ATRNL1: variants seen among roughly 807,000 people sequenced by gnomAD.
ATRNL1 encodes the protein attractin-like protein 1.
ATRNL1 carries 95 observed loss-of-function variants against 182.7 expected under a neutral mutation model. The ratio of observed to expected loss-of-function variants is 0.52; its 90% CI spans 0.44 to 0.62. ATRNL1 has a LOEUF of 0.62. Among genes scored for constraint, ATRNL1 ranks in the 20% least tolerant of loss-of-function variants. ATRNL1 has a pLI of 0.00. For synonymous variants in ATRNL1, 576 were observed against 568.3 expected, an observed-to-expected ratio of 1.01 and a Z score of -0.19; for missense variants, 1,471 against 1,679.5, an observed-to-expected ratio of 0.88 and a Z score of 2.17.
intron 10 of ATRNL1, among the ~76,000 whole-genome samples, chr10:115,254,392 A>T (rs1592329113): frequency 6.6e-6 from 1 of 152,160 alleles, no homozygotes; most frequent in African/African-American, 2.4e-5. Flanking sequence ...ACCAGTGATG[A>T]TGAGCATTTT....
chr10:115,099,734 C>T (rs1843694555), intron 1 of ATRNL1, among the ~76,000 whole-genome samples: 1 of 152,150 alleles, frequency 6.6e-6, no homozygotes, highest in Admixed American at 6.5e-5. Context: ...CGTATATCTT[C>T]TGTAATAGGC....
chr10:115,358,403 G>A (rs1287006858), intron 19 of ATRNL1, among the ~76,000 whole-genome samples: 8 of 151,294 alleles, frequency 5.3e-5, no homozygotes, highest in East Asian at 1.9e-4. Context: ...CTTGCTTTAC[G>A]TCTTACCATA....
Position 115,881,102 on chromosome 10 carries a change from T to C in ATRNL1, c.4018+33111T>C, listed in dbSNP as rs543040236. On this transcript the variant is annotated intron_variant, in intron 28 of 28. Transcript: ENST00000355044. ...GCCTGTCTTTTCTGGGACTTCAGGC[T>C]CTCTCTATGAAGGGCTTTCCCTGTT... Among the ~76,000 whole-genome samples the C allele has an allele frequency of 1.7e-3, 255 of 152,288 alleles. 10 individuals are homozygous for C. In the South Asian group the frequency reaches 0.05, roughly 30 times the overall value.
intron 8 of ATRNL1, among the ~76,000 whole-genome samples, chr10:115,190,673 A>G (rs1848134449): frequency 6.6e-6 from 1 of 152,222 alleles, no homozygotes; most frequent in Admixed American, 6.6e-5. Flanking sequence ...GGTAATTGGG[A>G]CATCCATCAC....
At chr10:115,577,590 A>G (rs1854796928) in intron 26 of ATRNL1, among the ~76,000 whole-genome samples, 2 of 127,872 alleles carry the variant, frequency 1.6e-5, no homozygotes, top group Non-Finnish European at 3.4e-5. Flanking sequence ...TACTTTACTG[A>G]ATTTATTTGT....
chr10:115,550,862 A>T (rs1852947108), intron 26 of ATRNL1, among the ~76,000 whole-genome samples: 1 of 151,782 alleles, frequency 6.6e-6, no homozygotes, highest in Admixed American at 6.6e-5. Flanking sequence ...TATGTCCTTA[A>T]TCATTAGAAG....
intron 10 of ATRNL1, among the ~76,000 whole-genome samples, chr10:115,250,490 G>T (rs1172648576): frequency 1.3e-5 from 2 of 152,130 alleles, no homozygotes; most frequent in Non-Finnish European, 2.9e-5. Flanking sequence ...AGAGTTGCAT[G>T]CAGGGTAGAC....
At chr10:115,584,781 C>T (rs185070274) in intron 26 of ATRNL1, among the ~76,000 whole-genome samples, 3 of 151,926 alleles carry the variant, frequency 2.0e-5, no homozygotes, top group Non-Finnish European at 1.5e-5. Flanking sequence ...TATTTCTTGC[C>T]TTCTGCTAGG....
At chr10:115,805,837 A>G (rs1949908880) in intron 27 of ATRNL1, among the ~76,000 whole-genome samples, 1 of 152,154 alleles carries the variant, frequency 6.6e-6, no homozygotes, top group Admixed American at 6.5e-5. Context: ...AAACTCTACA[A>G]TGGAATAGAT....
chr10:115,686,550 C>G (rs985888133), intron 26 of ATRNL1, among the ~76,000 whole-genome samples: 8 of 152,116 alleles, frequency 5.3e-5, no homozygotes, highest in African/African-American at 1.9e-4. Context: ...GATACTCTAT[C>G]TTATTTATCT....
chr10:115,286,817 G>A (rs1852639592), intron 15 of ATRNL1, among the ~76,000 whole-genome samples: 1 of 151,876 alleles, frequency 6.6e-6, no homozygotes, highest in Admixed American at 6.6e-5. Flanking sequence ...AAAAAGTATG[G>A]TTGTGTCTGT....
At chr10:115,102,696 C>T (rs1843825481) in intron 1 of ATRNL1, among the ~76,000 whole-genome samples, 1 of 152,162 alleles carries the variant, frequency 6.6e-6, no homozygotes, top group Non-Finnish European at 1.5e-5. Flanking sequence ...ATCCACCCAC[C>T]TCGGCCTCCC....
At chr10:115,249,353 G>A (rs1010428256) in intron 10 of ATRNL1, among the ~76,000 whole-genome samples, 6 of 151,596 alleles carry the variant, frequency 4.0e-5, no homozygotes, top group East Asian at 1.9e-4. Flanking sequence ...ACACACACAC[G>A]TTTATATATA....
chr10:115,221,055 G>A (rs1592279051), intron 9 of ATRNL1, among the ~76,000 whole-genome samples: 1 of 152,124 alleles, frequency 6.6e-6, no homozygotes, highest in East Asian at 1.9e-4. Context: ...TTCTCATAGG[G>A]ACATGCAACC....
intron 8 of ATRNL1, among the ~76,000 whole-genome samples, chr10:115,177,243 C>T (rs1423305205): frequency 6.6e-6 from 1 of 152,054 alleles, no homozygotes; most frequent in African/African-American, 2.4e-5. Context: ...TTGACAGGAA[C>T]AGTTTCTGTG....
intron 9 of ATRNL1, among the ~76,000 whole-genome samples, chr10:115,229,097 AAGAT>A (rs577062805): frequency 1.2e-3 from 180 of 152,194 alleles, no homozygotes; most frequent in African/African-American, 4.1e-3. Flanking sequence ...AGATATTAAA[AAGAT>A]AGGTAGTGAA....
At chr10:115,159,692 A>AACTTTT (rs1482030468) in intron 5 of ATRNL1, among the ~76,000 whole-genome samples, 1 of 151,586 alleles carries the variant, frequency 6.6e-6, no homozygotes, top group Non-Finnish European at 1.5e-5. Flanking sequence ...GAAAGAGGTA[A>AACTTTT]ACATACTTCC....
At chr10:115,480,946 C>T (rs1004091086) in intron 24 of ATRNL1, among the ~76,000 whole-genome samples, 11 of 150,786 alleles carry the variant, frequency 7.3e-5, no homozygotes, top group African/African-American at 2.7e-4. Flanking sequence ...TTTCTTATGA[C>T]AAACATTTTC....
chr10:115,377,702 T>C (rs1554949928), intron 19 of ATRNL1, among the ~76,000 whole-genome samples: 1 of 152,154 alleles, frequency 6.6e-6, no homozygotes, highest in Non-Finnish European at 1.5e-5. Flanking sequence ...TCTGTATATG[T>C]CTTTATAAGT....
Sources: gnomAD v4.1 joint callset for allele counts (sites outside exome capture counted in the v4.1 genomes callset) on GRCh38, gnomAD v4.1.1 for gene constraint, MANE v1.5 for transcripts, NCBI Gene and HGNC (gene_info 2026-07-23, HGNC 2026-07-21) for gene names.